SORCS3: variants seen among roughly 807,000 people sequenced by gnomAD.
The protein encoded by SORCS3 is VPS10 domain-containing receptor SorCS3.
SORCS3 carries 57 observed loss-of-function variants against 146.3 expected under a neutral mutation model. The observed-to-expected ratio is 0.39, with a 90% CI of 0.31 to 0.49. The LOEUF is 0.49. Among genes scored for constraint, SORCS3 ranks in the 20% least tolerant of loss-of-function variants. The probability of loss-of-function intolerance (pLI) is 0.92; values close to 1 mark genes in which losing one functional copy is unlikely to be tolerated. For missense variants in SORCS3, 1,341 were observed against 1,575.5 expected (o/e 0.85, Z 2.52); for synonymous variants, 653 against 618.5 (o/e 1.06, Z -0.83).
At chr10:105,200,886 C>T (rs910697336) in intron 15 of SORCS3, among the ~76,000 whole-genome samples, 2 of 152,122 alleles carry the variant, frequency 1.3e-5, no homozygotes, top group African/African-American at 4.8e-5. Flanking sequence ...GTAGACATCA[C>T]TGGCTTGGGT....
intron 3 of SORCS3, among the ~76,000 whole-genome samples, chr10:104,976,532 A>G (rs2133648929): frequency 6.6e-6 from 1 of 152,230 alleles, no homozygotes; most frequent in South Asian, 2.1e-4. Context: ...AACTAGAAAT[A>G]CCATTTGACC....
At chr10:104,997,241 T>C (rs1330731735) in intron 4 of SORCS3, among the ~76,000 whole-genome samples, 1 of 152,192 alleles carries the variant, frequency 6.6e-6, no homozygotes, top group Non-Finnish European at 1.5e-5. Flanking sequence ...ACAGTTCACA[T>C]GGAAGTTGGG....
chr10:105,243,466 A>C (rs1487871531), intron 20 of SORCS3, among the ~76,000 whole-genome samples: 1 of 151,992 alleles, frequency 6.6e-6, no homozygotes, highest in Non-Finnish European at 1.5e-5. Context: ...GCCCAGCTTG[A>C]CTTCATCTCT....
intron 19 of SORCS3, among the ~76,000 whole-genome samples, chr10:105,219,780 C>T (rs2056688096): frequency 1.3e-5 from 2 of 152,202 alleles, no homozygotes; most frequent in South Asian, 4.1e-4. Flanking sequence ...CAAGGACTTG[C>T]CTCACCCACA....
At chr10:105,165,691 G>A (rs953843475) in intron 12 of SORCS3, among the ~76,000 whole-genome samples, 2 of 152,094 alleles carry the variant, frequency 1.3e-5, no homozygotes, top group Non-Finnish European at 2.9e-5. Flanking sequence ...AAGGAGGGTG[G>A]AAGCTGGAAT....
At chr10:105,189,249 G>A (rs1338789429) in intron 14 of SORCS3, among the ~76,000 whole-genome samples, 1 of 152,110 alleles carries the variant, frequency 6.6e-6, no homozygotes, top group Non-Finnish European at 1.5e-5. Flanking sequence ...TTTCACCCAC[G>A]CAAGTGGCTC....
At chr10:105,027,711 T>G (rs368021892) in intron 4 of SORCS3, among the ~76,000 whole-genome samples, 5 of 152,324 alleles carry the variant, frequency 3.3e-5, no homozygotes, top group South Asian at 4.1e-4. Flanking sequence ...AAGTGTCCTT[T>G]GATGGTCTAT....
intron 9 of SORCS3, among the ~76,000 whole-genome samples, chr10:105,154,756 T>C (rs2056194305): frequency 6.6e-6 from 1 of 152,212 alleles, no homozygotes; most frequent in African/African-American, 2.4e-5. Flanking sequence ...TATGTGTACA[T>C]ACATGTGTAC....
intron 1 of SORCS3, among the ~76,000 whole-genome samples, chr10:104,745,383 G>T (rs1196724818): frequency 6.6e-6 from 1 of 152,124 alleles, no homozygotes; most frequent in Non-Finnish European, 1.5e-5. Context: ...TTATATAGAA[G>T]TATACTTTTG....
In SORCS3 at chr10:105,133,422, A is replaced by G. The variant is rs902235930; in HGVS notation, c.1213-5975A>G. On this transcript the variant is annotated intron_variant, in intron 7 of 26. Transcript: ENST00000369701. ...GGTTAAGGTTTCAGGTACAGACTAG[A>G]GTTGGAGAGCCCAGGTTTATAAGGG... Among the ~76,000 whole-genome samples the G allele has an allele frequency of 4.6e-5, 7 of 152,254 alleles. No homozygotes were observed. In the South Asian group the frequency reaches 1.2e-3, roughly 27 times the overall value.
intron 3 of SORCS3, among the ~76,000 whole-genome samples, chr10:104,927,143 A>G (rs2019157039): frequency 6.6e-6 from 1 of 152,206 alleles, no homozygotes; most frequent in Admixed American, 6.5e-5. Flanking sequence ...GTGTGTATAA[A>G]ACATTTTTCA....
At chr10:105,105,680 A>G (rs1361260479) in intron 7 of SORCS3, among the ~76,000 whole-genome samples, 165 bp downstream of exon 7, 2 of 152,160 alleles carry the variant, frequency 1.3e-5, no homozygotes, top group Non-Finnish European at 2.9e-5. Context: ...CCAGACTTCT[A>G]CTGGTTTTAG....
chr10:105,050,036 TACACACAC>T (rs35011679), intron 5 of SORCS3, among the ~76,000 whole-genome samples: 1 of 149,224 alleles, frequency 6.7e-6, no homozygotes, highest in East Asian at 2.0e-4. Flanking sequence ...TATATATACA[TACACACAC>T]ACACACACAC....
At chr10:105,134,213 A>G (rs2056042240) in intron 7 of SORCS3, among the ~76,000 whole-genome samples, 1 of 152,224 alleles carries the variant, frequency 6.6e-6, no homozygotes, top group Non-Finnish European at 1.5e-5. Context: ...CTTATCTTGG[A>G]CAAGTCACTC....
chr10:104,694,172 T>G (rs2016147039), intron 1 of SORCS3, among the ~76,000 whole-genome samples: 1 of 150,924 alleles, frequency 6.6e-6, no homozygotes. Context: ...CTCCCCTTCT[T>G]CTTGGTGGGC....
chr10:105,104,982 C>T (rs976180348), intron 6 of SORCS3, among the ~76,000 whole-genome samples: 10 of 152,142 alleles, frequency 6.6e-5, no homozygotes, highest in South Asian at 2.1e-4. Flanking sequence ...CTGTGAATAT[C>T]GTTGCCCTTG....
intron 1 of SORCS3, among the ~76,000 whole-genome samples, chr10:104,777,992 G>C (rs1346099302): frequency 1.3e-5 from 2 of 152,144 alleles, no homozygotes; most frequent in Admixed American, 1.3e-4. Context: ...AGGGTTGAAG[G>C]TAAGCTCATT....
chr10:104,848,253 G>A (rs909640208), intron 2 of SORCS3, among the ~76,000 whole-genome samples: 1 of 151,784 alleles, frequency 6.6e-6, no homozygotes, highest in Non-Finnish European at 1.5e-5. Context: ...TTTTCATCTG[G>A]TTCACAAGCT....
At chr10:105,144,921 T>G (rs868710186) in intron 8 of SORCS3, among the ~76,000 whole-genome samples, 2 of 152,154 alleles carry the variant, frequency 1.3e-5, no homozygotes, top group Admixed American at 6.6e-5. Context: ...CATTCAACCA[T>G]AAAGACCTAT....
Sources: gnomAD v4.1 joint callset for allele counts (sites outside exome capture counted in the v4.1 genomes callset) on GRCh38, gnomAD v4.1.1 for gene constraint, MANE v1.5 for transcripts, NCBI Gene and HGNC (gene_info 2026-07-23, HGNC 2026-07-21) for gene names.